Variants in MAG observed in about 807,000 individuals in gnomAD.
MAG encodes the protein myelin-associated glycoprotein.
MAG carries 30 observed loss-of-function variants against 60.7 expected under a neutral mutation model. The observed-to-expected ratio is 0.49, with a 90% CI of 0.37 to 0.67. The LOEUF is 0.67. MAG is among the 30% of genes least tolerant of loss of function. The pLI is 0.00. For synonymous variants in MAG, 384 were observed against 376.8 expected, an observed-to-expected ratio of 1.02 and a Z score of -0.22; for missense variants, 795 against 851.7, an observed-to-expected ratio of 0.93 and a Z score of 0.83.
chr19:35,310,291 T>C, intron 8 of MAG, 130 bp downstream of exon 8: 1 of 1,279,854 alleles, frequency 7.8e-7, no homozygotes, highest in Non-Finnish European at 1.1e-6. Context: ...AATTCTCCCT[T>C]TCCGGTTGGA....
At chr19:35,300,447 G>A (rs1427343400) in intron 6 of MAG, 43 bp downstream of exon 6, 4 of 1,519,260 alleles carry the variant, frequency 2.6e-6, no homozygotes, top group East Asian at 2.3e-5. Context: ...ACCTGCAGCC[G>A]AGAGATAAAG....
At chr19:35,312,422 G>A in intron 10 of MAG, 1 of 1,160,560 alleles carries the variant, frequency 8.6e-7, no homozygotes, top group Non-Finnish European at 1.3e-6. Flanking sequence ...CGTCAAGGTG[G>A]TCTCTGGTGA....
intron 9 of MAG, among the ~76,000 whole-genome samples, chr19:35,310,877 C>A (rs574568807): frequency 6.6e-6 from 1 of 152,304 alleles, no homozygotes; most frequent in East Asian, 1.9e-4. Flanking sequence ...TCATTTGAGA[C>A]CTGTTTGCCC....
intron 7 of MAG, among the ~76,000 whole-genome samples, chr19:35,305,945 A>T (rs1165064659): frequency 6.8e-6 from 1 of 146,606 alleles, no homozygotes; most frequent in Non-Finnish European, 1.5e-5. Flanking sequence ...ACAGAGCAAG[A>T]CTGTCCCAGC....
At position 35,293,275 on chromosome 19, in the gene MAG, CTGTG is replaced by C. The variant is rs10557696; in HGVS notation, c.-79-939_-79-936del. On this transcript the variant is annotated intron_variant, in intron 1 of 10. Transcript: ENST00000392213. This position sits in a 1 kb window ranked among gnomAD's most constrained non-coding sequence, Gnocchi z 4.0. ...TTGTTAGCCTGGCATGCATGCTGGG[CTGTG>C]TGTGTGTGTGTGTGTGTGTGCTGAA... is the stretch of plus-strand genomic sequence containing the variant. 4.7e-5 allele frequency among the ~76,000 whole-genome samples: 7 copies of C among 149,080 alleles called. No individual in the cohort carries two copies. Among genetic ancestry groups the C allele is most frequent in the Admixed American group, 6.7e-5 (1 of 14,964 alleles).
Position 35,296,894 on chromosome 19 carries a change from C to A in MAG, c.415+913C>A, listed in dbSNP as rs570461195. ...TCCTGCTACCTACACACTGCCCACA[C>A]ACCAAACATACACATCACACCAAAC... On this transcript the variant is annotated intron_variant, in intron 4 of 10. Coordinates refer to ENST00000392213, the MANE Select transcript of MAG (RefSeq NM_002361.4). 4.6e-5 allele frequency among the ~76,000 whole-genome samples: 7 copies of A among 151,048 alleles called. No individual in the cohort carries two copies. The East Asian group carries it at 1.4e-3, about 29-fold the overall frequency.
intron 6 of MAG, 66 bp from the exon 7 acceptor site, chr19:35,302,382 A>T (rs1045858603): frequency 1.3e-6 from 2 of 1,586,076 alleles, no homozygotes; most frequent in Non-Finnish European, 1.7e-6. Context: ...ATATCTGGGG[A>T]TGGTAGTTGG....
chr19:35,310,201 G>A, intron 8 of MAG, 40 bp downstream of exon 8: 1 of 1,574,332 alleles, frequency 6.4e-7, no homozygotes, highest in Non-Finnish European at 8.6e-7. Context: ...ACAGGAGGGA[G>A]CGGGCACGTC....
chr19:35,313,500 G>C lies in MAG; in HGVS notation c.*46G>C. 1 of 1,545,160 alleles carries C rather than the reference G, an allele frequency of 6.5e-7. No homozygotes were observed. Among genetic ancestry groups the C allele is most frequent in the East Asian group, 2.3e-5 (1 of 42,922 alleles). ...GTGGCTGACCCCCCTCAGGACCCTC[G>C]CTGGCCCCCACTGGCTGTGGGCTCC... On this transcript the variant is annotated 3_prime_UTR_variant, in exon 11 of 11. Transcript: ENST00000392213.
At chr19:35,313,151 G>A in intron 10 of MAG, 139 bp from the exon 11 acceptor site, 1 of 852,332 alleles carries the variant, frequency 1.2e-6, no homozygotes, top group Non-Finnish European at 1.7e-6. Flanking sequence ...CGCTGGGCCT[G>A]CGGTCCTTGA....
Position 35,313,201 on chromosome 19 carries a change from C to T in MAG, c.1717-89C>T, listed in dbSNP as rs1403342786. 4.6e-5 allele frequency: 65 copies of T among 1,407,690 alleles called. 1 individual carries two copies. The highest frequency in any genetic ancestry group is 3.0e-4 in the Admixed American group (13 of 42,968). The allele number at this position is 1,407,690 out of a possible 1,614,324, so 87.2% of individuals were successfully genotyped here. On this transcript the variant is annotated intron_variant, in intron 10 of 10. Coordinates refer to ENST00000392213, the MANE Select transcript of MAG (RefSeq NM_002361.4). The stretch of plus-strand genomic sequence containing the variant: ...GCAGGGATTTATTTGGGACTGAACT[C>T]AGGAGCTCTGAGGGTGCAAACGCTC...
chr19:35,295,530 C>G lies in MAG; in HGVS notation c.46+76C>G. On this transcript the variant is annotated intron_variant, in intron 3 of 10. Transcript: ENST00000392213. The surrounding 1 kb of genome is among the most constrained non-coding windows in gnomAD (Gnocchi z 5.8). ...TTGGAGGTGGGTCCCCGCAGCCCCC[C>G]GGCATGTGGTTGGGGATGGGAGCCG... The G allele has an allele frequency of 4.4e-6, 7 of 1,606,628 alleles. No homozygotes were observed. The highest frequency in any genetic ancestry group is 3.3e-5 in the South Asian group (3 of 90,100).
intron 4 of MAG, among the ~76,000 whole-genome samples, chr19:35,296,816 A>C (rs1273802320): frequency 6.6e-6 from 1 of 151,652 alleles, no homozygotes; most frequent in African/African-American, 2.4e-5. Context: ...CTACCCACAC[A>C]CCACACACTA....
chr19:35,297,575 G>A (rs556172668), intron 4 of MAG, among the ~76,000 whole-genome samples: 885 of 80,390 alleles, frequency 0.011, 3 homozygotes, highest in South Asian at 0.021. Flanking sequence ...TACTACCCAC[G>A]TACCACACAC....
At position 35,302,646 on chromosome 19, in the gene MAG, A is replaced by G. The variant is rs779277420; in HGVS notation, c.1169A>G (p.Tyr390Cys). ...GTGTCACCCGAGGATGATGGAGAGT[A>G]CTGGTGTGTGGCTGAGAACCAGTAT... ...PAVSPEDDGE[Y>C]WCVAENQYGQ... Residue 390 changes from tyrosine to cysteine, a missense_variant, in exon 7 of 11, where the codon TAC (tyrosine) becomes TGC (cysteine). Tyr to Cys is a radical substitution (Grantham distance 194). Transcript: ENST00000392213. The G allele has an allele frequency of 1.2e-6, 2 of 1,614,176 alleles. No homozygotes were observed. Among genetic ancestry groups the G allele is most frequent in the Non-Finnish European group, 1.7e-6 (2 of 1,180,030 alleles).
chr19:35,295,296 C>G lies in MAG; in HGVS notation c.-23-90C>G. On this transcript the variant is annotated intron_variant, in intron 2 of 10. Coordinates refer to ENST00000392213, the MANE Select transcript of MAG (RefSeq NM_002361.4). This position sits in a 1 kb window ranked among gnomAD's most constrained non-coding sequence, Gnocchi z 5.8. ...AAATAAATAATAATAGCAGCAGCAG[C>G]TAACATATGAATGGGCCCCTTCCTG... is the stretch of plus-strand genomic sequence containing the variant. The G allele has an allele frequency of 1.1e-6, 1 of 947,244 alleles. No individual in the cohort carries two copies. The highest frequency in any genetic ancestry group is 2.4e-5 in the East Asian group (1 of 40,966). The allele number at this position is 947,244 out of a possible 1,614,324, so 58.7% of individuals were successfully genotyped here.
At position 35,310,588 on chromosome 19, in the gene MAG, G is replaced by A. The variant is rs1189251601; in HGVS notation, c.1561G>A (p.Val521Ile). The A allele has an allele frequency of 3.1e-6, 5 of 1,614,034 alleles. No individual in the cohort carries two copies. The highest frequency in any genetic ancestry group is 4.2e-6 in the Non-Finnish European group (5 of 1,180,040). The change falls in exon 9 of 11, where the codon GTC (valine) becomes ATC (isoleucine). Residue 521 changes from valine to isoleucine, a missense_variant. By Grantham distance (29) the Val-to-Ile change is conservative (BLOSUM62 3). Coordinates refer to ENST00000392213, the MANE Select transcript of MAG (RefSeq NM_002361.4). ...CAAGATCGGGCCTGTGGGCGCCGTG[G>A]TCGCCTTTGCCATCCTGATTGCCAT... ...WAKIGPVGAV[V>I]AFAILIAIVC... is the part of the protein sequence containing the mutation.
chr19:35,298,093 A>G (rs570891185), intron 4 of MAG, among the ~76,000 whole-genome samples: 2 of 148,998 alleles, frequency 1.3e-5, no homozygotes, highest in East Asian at 4.0e-4. Flanking sequence ...TACACACACC[A>G]CACACTACAC....
rs2066373445 is a variant in MAG at position 35,293,561 on chromosome 19, G to A, written c.-79-674G>A. ...GCATGTGTCTCTGTCCGTGGGAAGAGGGCGGTGAAGGCTGGGAAAAGCAAT... is the reference window on the plus strand; with the variant it reads ...GCATGTGTCTCTGTCCGTGGGAAGAAGGCGGTGAAGGCTGGGAAAAGCAAT... On this transcript the variant is annotated intron_variant, in intron 1 of 10. Transcript: ENST00000392213. The surrounding 1 kb of genome is among the most constrained non-coding windows in gnomAD (Gnocchi z 4.0). Among the ~76,000 whole-genome samples the A allele has an allele frequency of 6.6e-6, 1 of 152,124 alleles. No homozygotes were observed. Among genetic ancestry groups the A allele is most frequent in the South Asian group, 2.1e-4 (1 of 4,836 alleles).
Sources: gnomAD v4.1 joint callset for allele counts (sites outside exome capture counted in the v4.1 genomes callset) on GRCh38, gnomAD v4.1.1 for gene constraint, Gnocchi (gnomAD v3.1) non-coding constraint, MANE v1.5 for transcripts, NCBI Gene and HGNC (gene_info 2026-07-23, HGNC 2026-07-21) for gene names.